Variants in TMEM223 observed in about 807,000 individuals in gnomAD.
TMEM223 encodes transmembrane protein 223.
TMEM223 carries 14 observed loss-of-function variants against 14.1 expected under a neutral mutation model. That is an observed-to-expected ratio of 0.99 (90% CI 0.66 to 1.55). The LOEUF (loss-of-function observed/expected upper bound fraction) is 1.55, where lower values mean the gene tolerates loss of function less well. Ranked by LOEUF, TMEM223 falls within the 40% of genes most tolerant of loss-of-function variation. TMEM223 has a pLI of 0.00. For synonymous variants in TMEM223, 145 were observed against 120.5 expected, an observed-to-expected ratio of 1.20 and a Z score of -1.33; for missense variants, 346 against 269.9, an observed-to-expected ratio of 1.28 and a Z score of -1.97.
Position 62,790,803 on chromosome 11 carries a change from C to T in TMEM223, c.429G>A (p.Leu143=), listed in dbSNP as rs1383732559. The T allele has an allele frequency of 1.2e-6, 2 of 1,606,554 alleles. No individual in the cohort carries two copies. The highest frequency in any genetic ancestry group is 1.7e-6 in the Non-Finnish European group (2 of 1,176,484). ...TCAAAGGAACTGTGAAATGGGCCCC[C>T]AAGCCAAAGGGGGCATGAGTGGTGA... ...VTLTTHAPFG[L]GAHFTVPLKQ... The change falls in exon 2 of 2, where the codon TTG becomes TTA. Residue 143 remains leucine (L), a synonymous_variant. Transcript: ENST00000307366.
At position 62,778,796 on chromosome 11, in the gene TMEM223, G is replaced by A; in HGVS notation, c.315-4131C>T. The A allele has an allele frequency of 2.4e-6, 3 of 1,276,366 alleles. No individual in the cohort carries two copies. In the South Asian group the frequency reaches 3.6e-5, roughly 15 times the overall value. The allele number at this position is 1,276,366 out of a possible 1,614,324, so 79.1% of individuals were successfully genotyped here. A position where few individuals can be genotyped will look rare whatever the true frequency, so the allele number is the denominator to read the frequency against. ...GATGTGTGTGGGGATGGTGGTTGAG[G>A]GGGAGGAGGCTGGAGAGGCCAGGAG... On this transcript the variant is annotated intron_variant, in intron 1 of 2. Transcript: ENST00000528367.
intron 2 of TMEM223, among the ~76,000 whole-genome samples, chr11:62,774,278 G>T (rs1178554112): frequency 6.6e-6 from 1 of 152,020 alleles, no homozygotes; most frequent in Non-Finnish European, 1.5e-5. Context: ...GGGTTTCACC[G>T]TGTTAACCAG....
chr11:62,771,168 A>G (rs1290048994), downstream of TMEM223: 1 of 152,248 alleles, frequency 6.6e-6, no homozygotes, highest in Non-Finnish European at 1.5e-5. Flanking sequence ...TGGTAAAAAA[A>G]ATAAAATATG....
In TMEM223 at chr11:62,775,807, G is replaced by A. The variant is rs75592271; in HGVS notation, c.315-1142C>T. 6,362 of 1,611,408 alleles carry A rather than the reference G, an allele frequency of 3.9e-3. 219 individuals are homozygous for A. In the African/African-American group the frequency reaches 0.078, roughly 20 times the overall value. On this transcript the variant is annotated intron_variant, in intron 1 of 2. Transcript: ENST00000528367. ...CCATGTCAGAGCGAGAAGAGCGGCG[G>A]TTTGTGGAGATCCCTCGGGAGTCTG...
exon 3 of TMEM223, chr11:62,772,096 C>A (rs1336940961): frequency 2.2e-6 from 1 of 456,226 alleles, no homozygotes; most frequent in South Asian, 1.5e-5. Flanking sequence ...TTGGAGAAGT[C>A]ATGGAACATT....
chr11:62,781,165 G>A (rs2084226514), intron 1 of TMEM223, among the ~76,000 whole-genome samples: 1 of 150,100 alleles, frequency 6.7e-6, no homozygotes, highest in African/African-American at 2.5e-5. Flanking sequence ...GAACCCAGGA[G>A]GCAGAGGTTG....
chr11:62,778,645 G>A lies in TMEM223; in HGVS notation c.315-3980C>T, dbSNP rs183658462. On this transcript the variant is annotated intron_variant, in intron 1 of 2. Coordinates refer to the TMEM223 transcript ENST00000528367. ...CAGAGCCTGAAGCTCTCAGGAGTCC[G>A]TCTGGCAGAGGGTGGGTGGAAGACA... The A allele has an allele frequency of 2.4e-4, 144 of 611,274 alleles. No homozygotes were observed. In the East Asian group the frequency reaches 3.5e-3, roughly 15 times the overall value. The allele number at this position is 611,274 out of a possible 1,614,324, so 37.9% of individuals were successfully genotyped here. A position where few individuals can be genotyped will look rare whatever the true frequency, so the allele number is the denominator to read the frequency against.
Position 62,790,041 on chromosome 11 carries a change from T to C in TMEM223, c.*582A>G. ...CTCTCGTTGGGTCACGCCTTTCCCATTCCTGAAGAATAAGCGGAGTGCTTC... is the reference window on the plus strand; with the variant it reads ...CTCTCGTTGGGTCACGCCTTTCCCACTCCTGAAGAATAAGCGGAGTGCTTC... On this transcript the variant is annotated 3_prime_UTR_variant, in exon 2 of 2. Coordinates refer to ENST00000307366, the MANE Select transcript of TMEM223 (RefSeq NM_001080501.3). 2 of 1,609,650 alleles carry C rather than the reference T, an allele frequency of 1.2e-6. No homozygotes were observed. Among genetic ancestry groups the C allele is most frequent in the Non-Finnish European group, 1.7e-6 (2 of 1,177,766 alleles).
intron 1 of TMEM223, among the ~76,000 whole-genome samples, chr11:62,775,402 A>G (rs1187028800): frequency 6.6e-6 from 1 of 152,172 alleles, no homozygotes; most frequent in Non-Finnish European, 1.5e-5. Context: ...CATATCAGTC[A>G]TCTCATTTTC....
chr11:62,789,102 C>T (rs200115993), downstream of TMEM223: 39 of 1,614,232 alleles, frequency 2.4e-5, no homozygotes, highest in Admixed American at 2.5e-4. Flanking sequence ...CGTCCCTCAG[C>T]ACCATCCCTG....
At chr11:62,786,734 C>T, downstream of TMEM223, 2 of 1,613,240 alleles carry the variant, frequency 1.2e-6, no homozygotes, top group South Asian at 1.1e-5. Context: ...CTTTCGGTGA[C>T]CCTGGCCGAC....
In TMEM223 at chr11:62,791,990, G is replaced by C; in HGVS notation, c.5C>G (p.Ala2Gly). The change falls in exon 1 of 2, where the codon GCG becomes GGG. Residue 2 changes from alanine (A) to glycine (G), a missense_variant. Transcript: ENST00000307366. ...CGTGGGCCATCGCCTCCAAGGCGCC[G>C]CCATGGCCAGCCGACTTCCGGGGTG... M[A>G]APWRRWPTGL... 6.5e-7 allele frequency: 1 copy of C among 1,527,826 alleles called. No individual in the cohort carries two copies. The highest frequency in any genetic ancestry group is 8.8e-7 in the Non-Finnish European group (1 of 1,132,564). The allele number at this position is 1,527,826 out of a possible 1,614,324, so 94.6% of individuals were successfully genotyped here. A position where few individuals can be genotyped will look rare whatever the true frequency, so the allele number is the denominator to read the frequency against.
downstream of TMEM223, chr11:62,786,319 G>A (rs1340823915): frequency 1.9e-6 from 3 of 1,614,080 alleles, no homozygotes; most frequent in Middle Eastern, 1.6e-4. Context: ...TGCAGGCTGT[G>A]CTGGATGATT....
downstream of TMEM223, chr11:62,789,737 T>C: frequency 2.0e-6 from 3 of 1,515,552 alleles, no homozygotes; most frequent in Non-Finnish European, 2.7e-6. Flanking sequence ...GTGTGGGTGC[T>C]CACCAGTGTA....
downstream of TMEM223, chr11:62,789,428 T>TA: frequency 6.2e-7 from 1 of 1,613,638 alleles, no homozygotes; most frequent in Non-Finnish European, 8.5e-7. Flanking sequence ...TACAATTAGG[T>TA]AATGGGAGAG....
In TMEM223 at chr11:62,790,168, A is replaced by C. The variant is rs775554713; in HGVS notation, c.*455T>G. 1.6e-5 allele frequency: 19 copies of C among 1,159,920 alleles called. No homozygotes were observed. Among genetic ancestry groups the C allele is most frequent in the South Asian group, 3.3e-5 (2 of 60,006 alleles). 71.9% of individuals were successfully genotyped at this position (1,159,920 alleles called of 1,614,324 possible). A position where few individuals can be genotyped will look rare whatever the true frequency, so the allele number is the denominator to read the frequency against. On this transcript the variant is annotated 3_prime_UTR_variant, in exon 2 of 2. Coordinates refer to ENST00000307366, the MANE Select transcript of TMEM223 (RefSeq NM_001080501.3). ...TTCCTTTCGTTGGGGGGTGGGGGGG[A>C]AACATAATGACAGGCCCCCCTCCAC...
chr11:62,780,308 C>G (rs1387786627), intron 1 of TMEM223, among the ~76,000 whole-genome samples: 2 of 151,040 alleles, frequency 1.3e-5, no homozygotes, highest in Non-Finnish European at 2.9e-5. Context: ...GTCAGGAGTT[C>G]AAGACCAGCC....
Position 62,791,821 on chromosome 11 carries a change from G to C in TMEM223, c.174C>G (p.Phe58Leu). The change falls in exon 1 of 2, where the codon TTC becomes TTG. Residue 58 changes from phenylalanine to leucine, a missense_variant. Physicochemically the swap from Phe to Leu is conservative, Grantham distance 22 (BLOSUM62 0). Coordinates refer to ENST00000307366, the MANE Select transcript of TMEM223 (RefSeq NM_001080501.3). The part of the protein sequence containing the change: ...LGLFCAGQGV[F>L]WASMAVAAVS... ...CGGCTGCCACAGCCATGGAAGCCCA[G>C]AAGACGCCCTGGCCCGCGCAGAACA... 1 of 1,586,148 alleles carries C rather than the reference G, an allele frequency of 6.3e-7. No homozygotes were observed. The highest frequency in any genetic ancestry group is 1.3e-5 in the African/African-American group (1 of 74,516).
chr11:62,782,770 G>A (rs766641541), downstream of TMEM223: 33 of 1,613,186 alleles, frequency 2.0e-5, no homozygotes, highest in East Asian at 4.5e-5. Flanking sequence ...GATCCTGTGC[G>A]GCCGCTCTGC....
Sources: gnomAD v4.1 joint callset for allele counts (sites outside exome capture counted in the v4.1 genomes callset) on GRCh38, gnomAD v4.1.1 for gene constraint, MANE v1.5 for transcripts, NCBI Gene and HGNC (gene_info 2026-07-23, HGNC 2026-07-21) for gene names.